The following PRKN variants were observed in gnomAD, a reference collection of about 807,000 sequenced individuals.
PRKN encodes the protein E3 ubiquitin-protein ligase parkin.
In PRKN, 56 loss-of-function variants were observed where a neutral mutation model predicts 59.5. That is an observed-to-expected ratio of 0.94 (90% CI 0.76 to 1.18). The LOEUF (loss-of-function observed/expected upper bound fraction) is 1.18, where lower values mean the gene tolerates loss of function less well. PRKN is among the 50% of genes most tolerant of loss of function. PRKN has a pLI of 0.00. For synonymous variants in PRKN, 250 were observed against 222.1 expected (o/e 1.13, Z -1.12); for missense variants, 657 against 596.4 (o/e 1.10, Z -1.06).
chr6:162,662,732 T>C (rs1232645458), intron 1 of PRKN, among the ~76,000 whole-genome samples: 1 of 152,180 alleles, frequency 6.6e-6, no homozygotes, highest in Non-Finnish European at 1.5e-5. Flanking sequence ...CCATTGCTTA[T>C]AGGTATGTGG....
intron 9 of PRKN, among the ~76,000 whole-genome samples, chr6:161,465,689 A>C (rs1337287832): frequency 6.6e-6 from 1 of 152,100 alleles, no homozygotes; most frequent in African/African-American, 2.4e-5. Context: ...TTGTTTTAAC[A>C]CATTGTTTTC....
chr6:162,604,091 C>T (rs1781810924), intron 1 of PRKN, among the ~76,000 whole-genome samples: 1 of 152,144 alleles, frequency 6.6e-6, no homozygotes, highest in Admixed American at 6.6e-5. Context: ...GACCTGAGGA[C>T]CACACTGCAC....
At position 161,373,520 on chromosome 6, in the gene PRKN, G is replaced by A. The variant is rs1001247997; in HGVS notation, c.1167+13274C>T. Among the ~76,000 whole-genome samples, 9 of 151,894 alleles carry A rather than the reference G, an allele frequency of 5.9e-5. No homozygotes were observed. The highest frequency in any genetic ancestry group is 5.9e-4 in the Admixed American group (9 of 15,268). On this transcript the variant is annotated intron_variant, in intron 10 of 11. Coordinates refer to ENST00000366898, the MANE Select transcript of PRKN (RefSeq NM_004562.3). This position sits in a 1 kb window ranked among gnomAD's most constrained non-coding sequence, Gnocchi z 4.8. Reference sequence around the variant, plus strand: ...GGGCTATGCCTCTGTGCTTACAGGGGTGCTGAGTTTAAACGAGCTATGCCT... The same window carrying A: ...GGGCTATGCCTCTGTGCTTACAGGGATGCTGAGTTTAAACGAGCTATGCCT...
chr6:162,104,930 A>C (rs1414908376), intron 4 of PRKN, among the ~76,000 whole-genome samples: 1 of 152,210 alleles, frequency 6.6e-6, no homozygotes, highest in African/African-American at 2.4e-5. Flanking sequence ...CTGGGCAATA[A>C]GGATAAAAGG....
Position 161,348,410 on chromosome 6 carries a change from G to A in PRKN, c.*1689C>T, listed in dbSNP as rs1784409952. 4.5e-6 allele frequency: 1 copy of A among 223,946 alleles called. No individual in the cohort carries two copies. The highest frequency in any genetic ancestry group is 8.9e-6 in the Non-Finnish European group (1 of 112,238). 13.9% of individuals were successfully genotyped at this position (223,946 alleles called of 1,614,324 possible). A position where few individuals can be genotyped will look rare whatever the true frequency, so the allele number is the denominator to read the frequency against. ...GTCACAGGTCTGTTGTCACCGTGGG[G>A]CCATGTTGGAGTCGGTAGATTTTCA... On this transcript the variant is annotated 3_prime_UTR_variant, in exon 12 of 12. Transcript: ENST00000366898. This position sits in a 1 kb window ranked among gnomAD's most constrained non-coding sequence, Gnocchi z 4.9.
chr6:161,892,966 C>G (rs761346245), intron 6 of PRKN, among the ~76,000 whole-genome samples: 7 of 152,138 alleles, frequency 4.6e-5, no homozygotes, highest in Non-Finnish European at 1.5e-5. Context: ...CCTTGGCCTC[C>G]CGAGTAGCTG....
chr6:161,764,087 C>A (rs571606852), intron 7 of PRKN, among the ~76,000 whole-genome samples: 9 of 152,310 alleles, frequency 5.9e-5, no homozygotes, highest in Admixed American at 3.9e-4. Flanking sequence ...CACTCTCCTC[C>A]AGCCACTCTG....
At chr6:161,766,982 T>C (rs903318895) in intron 7 of PRKN, among the ~76,000 whole-genome samples, 6 of 152,146 alleles carry the variant, frequency 3.9e-5, no homozygotes, top group Non-Finnish European at 8.8e-5. Context: ...AGAGAATCAC[T>C]GTGAGGCTTA....
At chr6:162,724,924 G>A (rs1298306399) in intron 1 of PRKN, among the ~76,000 whole-genome samples, 2 of 152,206 alleles carry the variant, frequency 1.3e-5, no homozygotes, top group Non-Finnish European at 2.9e-5. Context: ...CCTGTGCCCA[G>A]GCAAACCTAG....
chr6:161,853,739 A>G (rs1280371303), intron 6 of PRKN, among the ~76,000 whole-genome samples: 1 of 152,176 alleles, frequency 6.6e-6, no homozygotes, highest in East Asian at 1.9e-4. Context: ...ACAAACATTC[A>G]TATCACACAA....
At chr6:161,928,395 G>A (rs200468461) in intron 6 of PRKN, among the ~76,000 whole-genome samples, 2 of 152,118 alleles carry the variant, frequency 1.3e-5, no homozygotes, top group Non-Finnish European at 2.9e-5. Flanking sequence ...AATCATACTC[G>A]ATCAGGTAAA....
chr6:161,992,297 G>A (rs1450215620), intron 5 of PRKN, among the ~76,000 whole-genome samples: 1 of 152,048 alleles, frequency 6.6e-6, no homozygotes, highest in African/African-American at 2.4e-5. Context: ...CTGAGATCGA[G>A]CCACAGCACT....
At chr6:162,274,132 GTATAT>G (rs1348987804) in intron 2 of PRKN, among the ~76,000 whole-genome samples, 2 of 151,864 alleles carry the variant, frequency 1.3e-5, no homozygotes, top group African/African-American at 4.8e-5. Flanking sequence ...TGGAAGGAAT[GTATAT>G]TATATCTTCT....
chr6:162,567,986 G>A (rs562590600), intron 1 of PRKN, among the ~76,000 whole-genome samples: 125 of 152,264 alleles, frequency 8.2e-4, no homozygotes, highest in African/African-American at 2.9e-3. Flanking sequence ...ACTCATTTTT[G>A]ACAAAAGTGC....
At position 162,125,178 on chromosome 6, in the gene PRKN, C is replaced by G. The variant is rs1781074849; in HGVS notation, c.535-71004G>C. 2.6e-5 allele frequency among the ~76,000 whole-genome samples: 4 copies of G among 152,282 alleles called. No homozygotes were observed. The South Asian group carries it at 8.3e-4, about 32-fold the overall frequency. ...AGCAAACATAGAAACGGGAAAAACG[C>G]TGCCAACATCGTGTAGCACATCCCT... is the stretch of plus-strand genomic sequence containing the variant. On this transcript the variant is annotated intron_variant, in intron 4 of 11. Transcript: ENST00000366898.
At chr6:162,252,972 C>T (rs1277306265) in intron 3 of PRKN, among the ~76,000 whole-genome samples, 1 of 152,214 alleles carries the variant, frequency 6.6e-6, no homozygotes, top group East Asian at 1.9e-4. Flanking sequence ...TTAGGTACTG[C>T]AACAGCCCAG....
At chr6:161,640,933 G>A (rs1306925789) in intron 7 of PRKN, among the ~76,000 whole-genome samples, 1 of 152,228 alleles carries the variant, frequency 6.6e-6, no homozygotes. Flanking sequence ...GAAGCCCTGA[G>A]CTCAGCAAGA....
chr6:161,500,552 C>A (rs533813931), intron 9 of PRKN, among the ~76,000 whole-genome samples: 1 of 152,280 alleles, frequency 6.6e-6, no homozygotes, highest in Admixed American at 6.5e-5. Context: ...TGAAACCACA[C>A]AGTATGTAGT....
In PRKN at chr6:161,515,634, G is replaced by A. The variant is rs374869689; in HGVS notation, c.1083+33220C>T. Among the ~76,000 whole-genome samples, 11 of 152,298 alleles carry A rather than the reference G, an allele frequency of 7.2e-5. No individual in the cohort carries two copies. The East Asian group carries it at 2.1e-3, about 29-fold the overall frequency. On this transcript the variant is annotated intron_variant, in intron 9 of 11. Coordinates refer to ENST00000366898, the MANE Select transcript of PRKN (RefSeq NM_004562.3). ...ACTACAGCAAATCCTCCTTAGGACT[G>A]ATTTAAGCATTGAATAAATAAAGTT...
Sources: gnomAD v4.1 joint callset for allele counts (sites outside exome capture counted in the v4.1 genomes callset) on GRCh38, gnomAD v4.1.1 for gene constraint, Gnocchi (gnomAD v3.1) non-coding constraint, MANE v1.5 for transcripts, NCBI Gene and HGNC (gene_info 2026-07-23, HGNC 2026-07-21) for gene names.